The following ELF2 variants were observed in gnomAD, a reference collection of about 807,000 sequenced individuals.
ELF2 encodes the protein ETS-related transcription factor Elf-2.
Under a neutral mutation model 54.8 loss-of-function variants are expected in ELF2, and 11 were observed. That is an observed-to-expected ratio of 0.20 (90% CI 0.13 to 0.33). The LOEUF is 0.33. Ranked by LOEUF, ELF2 falls within the 10% of genes least tolerant of loss-of-function variation. The pLI is 1.00. For synonymous variants in ELF2, 203 were observed against 245.1 expected (o/e 0.83, Z 1.61); for missense variants, 513 against 703.0 (o/e 0.73, Z 3.06).
At chr4:139,112,199 CAGAT>C (rs1199002801) in intron 4 of ELF2, among the ~76,000 whole-genome samples, 12 of 152,162 alleles carry the variant, frequency 7.9e-5, no homozygotes, top group Non-Finnish European at 1.6e-4. Context: ...TTCAGCAACT[CAGAT>C]AGCCTTGTTT....
At chr4:139,071,779 T>C in intron 6 of ELF2, 87 bp downstream of exon 6, 1 of 1,218,804 alleles carries the variant, frequency 8.2e-7, no homozygotes, top group Non-Finnish European at 1.1e-6. Context: ...ATCTACAGCA[T>C]ATACTACTTT....
chr4:139,154,996 A>AGTTT (rs1375330663), intron 1 of ELF2, among the ~76,000 whole-genome samples: 1 of 152,230 alleles, frequency 6.6e-6, no homozygotes, highest in Non-Finnish European at 1.5e-5. Context: ...AGAAAGGCAC[A>AGTTT]AACCTACCTC....
intron 3 of ELF2, among the ~76,000 whole-genome samples, chr4:139,126,207 G>A (rs1284353500): frequency 6.6e-6 from 1 of 152,060 alleles, no homozygotes; most frequent in Non-Finnish European, 1.5e-5. Flanking sequence ...TACAGGCTTG[G>A]AAGATAAAAT....
chr4:139,129,675 A>G (rs529968906), intron 3 of ELF2, among the ~76,000 whole-genome samples: 5 of 152,348 alleles, frequency 3.3e-5, no homozygotes, highest in South Asian at 2.1e-4. Flanking sequence ...TTAGCATAGT[A>G]TAAGTACAAA....
intron 1 of ELF2, among the ~76,000 whole-genome samples, chr4:139,176,743 G>C (rs1467714810): frequency 6.6e-6 from 1 of 151,280 alleles, no homozygotes; most frequent in Non-Finnish European, 1.5e-5. Flanking sequence ...CTTTCTCCAA[G>C]TCCCGCTCCG....
chr4:139,138,285 A>G (rs1168545747), intron 2 of ELF2, among the ~76,000 whole-genome samples: 1 of 151,978 alleles, frequency 6.6e-6, no homozygotes. Flanking sequence ...GGCATGGTGA[A>G]GCGTGCCTGT....
At chr4:139,151,600 A>G (rs1283653909) in intron 1 of ELF2, among the ~76,000 whole-genome samples, 1 of 152,342 alleles carries the variant, frequency 6.6e-6, no homozygotes, top group Non-Finnish European at 1.5e-5. Flanking sequence ...TATTATTAAA[A>G]ATAGGCAACT....
intron 1 of ELF2, among the ~76,000 whole-genome samples, chr4:139,161,731 G>T (rs991292447): frequency 6.6e-6 from 1 of 151,502 alleles, no homozygotes; most frequent in African/African-American, 2.4e-5. Flanking sequence ...AGCACTTTGG[G>T]AGGCTGAGAC....
chr4:139,121,993 CATA>C (rs1428988187), intron 4 of ELF2, among the ~76,000 whole-genome samples: 2 of 152,118 alleles, frequency 1.3e-5, no homozygotes, highest in African/African-American at 4.8e-5. Flanking sequence ...ACATGCAAAT[CATA>C]ATATGATTTT....
At chr4:139,165,568 C>A (rs945685289) in intron 1 of ELF2, among the ~76,000 whole-genome samples, 6 of 152,124 alleles carry the variant, frequency 3.9e-5, no homozygotes, top group African/African-American at 1.4e-4. Context: ...GAGGCTGAGG[C>A]AGGAGAACCA....
rs149782768 is a variant in ELF2, at chr4:139,090,567, C to G, written c.239-17000G>C. Among the ~76,000 whole-genome samples, 1,016 of 152,224 alleles carry G rather than the reference C, an allele frequency of 6.7e-3. 15 individuals are homozygous for G. Among genetic ancestry groups the G allele is most frequent in the African/African-American group, 0.023 (973 of 41,538 alleles). ...ATTCTAAATAACAATTCAGATTTAT[C>G]TTGCAAGTATCTTCTGCCAGCCTGC... On this transcript the variant is annotated intron_variant, in intron 4 of 9. Coordinates refer to ENST00000686138, the MANE Select transcript of ELF2 (RefSeq NM_001331036.3).
chr4:139,170,659 TA>T (rs35573047), intron 1 of ELF2, among the ~76,000 whole-genome samples: 6 of 145,458 alleles, frequency 4.1e-5, no homozygotes, highest in Non-Finnish European at 4.5e-5. Flanking sequence ...AATATATTTC[TA>T]AAAAAAAAAA....
At position 139,059,358 on chromosome 4, in the gene ELF2, C is replaced by G. The variant is rs760071896; in HGVS notation, c.1407G>C (p.Gln469His). 1.9e-6 allele frequency: 3 copies of G among 1,613,868 alleles called. No homozygotes were observed. In the African/African-American group the frequency reaches 4.0e-5, roughly 22 times the overall value. The change falls in exon 10 of 10, where the codon CAG becomes CAC. Residue 469 changes from glutamine (Q) to histidine (H), a missense_variant. This residue lies in a region of ELF2 where 291 missense variants were observed against 366.1 expected (regional missense o/e 0.79). Transcript: ENST00000686138. ...GATTTGACTTTGTCTGCAGTTGACA[C>G]TGTGCAAGCTGTGTAGCTGGGATGG... ...IITIPATQLA[Q>H]CQLQTKSNLT...
chr4:139,065,127 TATCTGA>T (rs1728503217), intron 7 of ELF2, among the ~76,000 whole-genome samples: 1 of 152,196 alleles, frequency 6.6e-6, no homozygotes, highest in Non-Finnish European at 1.5e-5. Context: ...GTACATAAGA[TATCTGA>T]ATGTTTCCAT....
intron 4 of ELF2, among the ~76,000 whole-genome samples, chr4:139,114,660 T>TTG (rs1436008973): frequency 6.9e-6 from 1 of 143,990 alleles, no homozygotes; most frequent in African/African-American, 2.6e-5. Context: ...TTTTTTTTTT[T>TTG]GCACCAAAGG....
chr4:139,105,632 C>G (rs1420197637), intron 4 of ELF2, among the ~76,000 whole-genome samples: 3 of 152,164 alleles, frequency 2.0e-5, no homozygotes, highest in Admixed American at 6.5e-5. Context: ...TGCCTGTAAT[C>G]TCAGCACTTT....
intron 4 of ELF2, 151 bp from the exon 5 acceptor site, chr4:139,073,718 A>G (rs1377983181): frequency 7.7e-6 from 3 of 391,496 alleles, no homozygotes; most frequent in Admixed American, 8.9e-5. Flanking sequence ...ATTGATATCT[A>G]TTCGTCTATA....
intron 4 of ELF2, among the ~76,000 whole-genome samples, chr4:139,089,615 A>C (rs931788895): frequency 6.6e-6 from 1 of 152,240 alleles, no homozygotes; most frequent in African/African-American, 2.4e-5. Flanking sequence ...AAATGTCATT[A>C]AACTATATAT....
Position 139,137,775 on chromosome 4 carries a change from T to C in ELF2, c.-74A>G, listed in dbSNP as rs1387180896. 11 of 1,583,904 alleles carry C rather than the reference T, an allele frequency of 6.9e-6. No homozygotes were observed. The highest frequency in any genetic ancestry group is 2.7e-5 in the African/African-American group (2 of 73,938). On this transcript the variant is annotated 5_prime_UTR_variant, in exon 3 of 10. Transcript: ENST00000686138. Reference sequence around the variant, plus strand: ...GGTTCACTGATGGTTGCCAGTGTTATAGGTTTGCATTATCATGTTTTAAAA... The same window carrying C: ...GGTTCACTGATGGTTGCCAGTGTTACAGGTTTGCATTATCATGTTTTAAAA...
Sources: allele counts gnomAD v4.1 joint callset (sites outside exome capture counted in the v4.1 genomes callset), GRCh38; gene constraint gnomAD v4.1.1; regional missense constraint gnomAD v4.1.1; transcripts MANE v1.5; gene names NCBI Gene and HGNC (gene_info 2026-07-23, HGNC 2026-07-21).